The following MSI2 variants were observed in gnomAD, a reference collection of about 807,000 sequenced individuals.
The protein encoded by MSI2 is musashi RNA binding protein 2.
MSI2 carries 17 observed loss-of-function variants against 45.6 expected under a neutral mutation model. The ratio of observed to expected loss-of-function variants is 0.37; its 90% confidence interval spans 0.26 to 0.56. MSI2 has a LOEUF of 0.56. Ranked by LOEUF, MSI2 falls within the 20% of genes least tolerant of loss-of-function variation. The pLI is 0.77. For synonymous variants in MSI2, 156 were observed against 158.2 expected (o/e 0.99, Z 0.11); for missense variants, 293 against 444.2 (o/e 0.66, Z 3.06).
At chr17:57,585,917 G>A (rs564212049) in intron 7 of MSI2, among the ~76,000 whole-genome samples, 3 of 152,372 alleles carry the variant, frequency 2.0e-5, no homozygotes, top group South Asian at 4.1e-4. Flanking sequence ...CCTCTGCCCC[G>A]CTGGGCGCGA....
intron 7 of MSI2, among the ~76,000 whole-genome samples, chr17:57,564,050 A>G (rs1437619336): frequency 6.6e-6 from 1 of 152,142 alleles, no homozygotes; most frequent in Non-Finnish European, 1.5e-5. Context: ...AGCCCCCTGC[A>G]CGTGTTTCTC....
chr17:57,632,604 G>T, intron 10 of MSI2: 1 of 1,066,304 alleles, frequency 9.4e-7, no homozygotes, highest in Non-Finnish European at 1.1e-6. Flanking sequence ...GGCCCATCCT[G>T]ATCAGGCCCC....
chr17:57,414,565 A>AT (rs1167673892), intron 6 of MSI2, among the ~76,000 whole-genome samples: 1 of 151,668 alleles, frequency 6.6e-6, no homozygotes, highest in Non-Finnish European at 1.5e-5. Context: ...AATTTTTTGT[A>AT]TTTTTTGTAG....
At chr17:57,696,113 C>T in the MSI2 span, among the ~76,000 whole-genome samples, 1 of 152,102 alleles carries the variant, frequency 6.6e-6, no homozygotes. Flanking sequence ...AACACCCCCC[C>T]AAAAAAGCTG....
At chr17:57,566,462 G>C (rs1192721789) in intron 7 of MSI2, among the ~76,000 whole-genome samples, 1 of 152,124 alleles carries the variant, frequency 6.6e-6, no homozygotes, top group Non-Finnish European at 1.5e-5. Context: ...CAGATGAATG[G>C]AAGGAAGCCC....
At position 57,258,436 on chromosome 17, in the gene MSI2, C is replaced by T. The variant is rs1907018343; in HGVS notation, c.270+82C>T. ...ACAGCCCCATTTAAAGGGACAGTGCCTTCTTTTGCTTCTGTGCTAGAACTG... is the reference window on the plus strand; with the variant it reads ...ACAGCCCCATTTAAAGGGACAGTGCTTTCTTTTGCTTCTGTGCTAGAACTG... On this transcript the variant is annotated intron_variant, in intron 4 of 13. Transcript: ENST00000284073. 1.3e-5 allele frequency: 15 copies of T among 1,114,278 alleles called. No homozygotes were observed. In the East Asian group the frequency reaches 3.5e-4, roughly 26 times the overall value. The allele number at this position is 1,114,278 out of a possible 1,614,324, so 69.0% of individuals were successfully genotyped here. A position where few individuals can be genotyped will look rare whatever the true frequency, so the allele number is the denominator to read the frequency against.
intron 5 of MSI2, among the ~76,000 whole-genome samples, chr17:57,297,178 G>T (rs562809816): frequency 1.5e-5 from 2 of 134,834 alleles, no homozygotes; most frequent in Non-Finnish European, 3.1e-5. Flanking sequence ...GCTGGGCCCA[G>T]TTTTTTTTTG....
Position 57,560,377 on chromosome 17 carries a change from C to A in MSI2, c.454+30653C>A, listed in dbSNP as rs562528624. Among the ~76,000 whole-genome samples, 3 of 152,314 alleles carry A rather than the reference C, an allele frequency of 2.0e-5. No homozygotes were observed. The East Asian group carries it at 5.8e-4, about 29-fold the overall frequency. On this transcript the variant is annotated intron_variant, in intron 7 of 13. Transcript: ENST00000284073. ...GTAACCCGTGCCCCTCCGAGGAGCC[C>A]TGGAGCGGGGTTGGTGGGGACACTT...
At chr17:57,284,575 G>C (rs1399921299) in intron 5 of MSI2, among the ~76,000 whole-genome samples, 1 of 152,184 alleles carries the variant, frequency 6.6e-6, no homozygotes, top group Admixed American at 6.5e-5. Context: ...GATGTGGTTT[G>C]ACTGTAATCC....
chr17:57,485,629 G>A (rs960609360), intron 6 of MSI2, among the ~76,000 whole-genome samples: 3 of 152,158 alleles, frequency 2.0e-5, no homozygotes, highest in Non-Finnish European at 4.4e-5. Flanking sequence ...AGACCTTCAC[G>A]GAGCCTTTGA....
intron 10 of MSI2, among the ~76,000 whole-genome samples, chr17:57,649,841 C>T (rs1910995347): frequency 6.6e-6 from 1 of 152,180 alleles, no homozygotes; most frequent in African/African-American, 2.4e-5. Context: ...CAGGAGGCTC[C>T]CAAGGGGCTA....
chr17:57,413,351 C>T (rs2084232604), intron 6 of MSI2, among the ~76,000 whole-genome samples: 1 of 149,830 alleles, frequency 6.7e-6, no homozygotes, highest in South Asian at 2.1e-4. Context: ...GGATGTACCT[C>T]GAGTTCCATC....
rs75423406 is a variant in MSI2 at position 57,258,055 on chromosome 17, T to A, written c.186-215T>A. Among the ~76,000 whole-genome samples, 675 of 152,140 alleles carry A rather than the reference T, an allele frequency of 4.4e-3. 5 individuals are homozygous for A. The highest frequency in any genetic ancestry group is 0.015 in the African/African-American group (628 of 41,522). On this transcript the variant is annotated intron_variant, in intron 3 of 13. Transcript: ENST00000284073. ...AGCATTTTCCAAGTTACCTCCACCC[T>A]CCCTGCCCCCGTTCCACTTCCCCCG... is the stretch of plus-strand genomic sequence containing the variant.
At chr17:57,398,415 GA>G (rs977616536) in intron 5 of MSI2, among the ~76,000 whole-genome samples, 6 of 151,972 alleles carry the variant, frequency 3.9e-5, no homozygotes, top group African/African-American at 9.7e-5. Flanking sequence ...TGGGGTAAGG[GA>G]AAAAAAGGAA....
chr17:57,695,392 G>C, the MSI2 span, among the ~76,000 whole-genome samples: 1 of 152,134 alleles, frequency 6.6e-6, no homozygotes, highest in Admixed American at 6.5e-5. Flanking sequence ...AGGTGTAATG[G>C]CACTTCATTA....
intron 6 of MSI2, among the ~76,000 whole-genome samples, chr17:57,438,800 A>T (rs563814815): frequency 3.4e-5 from 5 of 145,070 alleles, no homozygotes; most frequent in South Asian, 2.2e-4. Flanking sequence ...TCCCATAGGA[A>T]TTTTTTTTTT....
chr17:57,538,677 G>C (rs1423396873), intron 7 of MSI2, among the ~76,000 whole-genome samples: 1 of 152,160 alleles, frequency 6.6e-6, no homozygotes, highest in Non-Finnish European at 1.5e-5. Flanking sequence ...CTGTGTTTGA[G>C]TTTTGGGGAC....
intron 7 of MSI2, among the ~76,000 whole-genome samples, chr17:57,530,332 T>A (rs926063095): frequency 6.6e-6 from 1 of 152,204 alleles, no homozygotes; most frequent in Admixed American, 6.5e-5. Flanking sequence ...ATGCAAAATG[T>A]CATATGTTTA....
chr17:57,295,799 G>A (rs1239083681), intron 5 of MSI2, among the ~76,000 whole-genome samples: 1 of 152,148 alleles, frequency 6.6e-6, no homozygotes, highest in African/African-American at 2.4e-5. Flanking sequence ...AAACAGCACC[G>A]TCATTTCCTC....
Sources: gnomAD v4.1 joint callset for allele counts (sites outside exome capture counted in the v4.1 genomes callset) on GRCh38, gnomAD v4.1.1 for gene constraint, MANE v1.5 for transcripts, NCBI Gene and HGNC (gene_info 2026-07-23, HGNC 2026-07-21) for gene names.